PLOD1: variants seen among roughly 807,000 people sequenced by gnomAD.
PLOD1 encodes procollagen-lysine,2-oxoglutarate 5-dioxygenase 1, also known as lysine hydroxylase.
Under a neutral mutation model 94.7 loss-of-function variants are expected in PLOD1, and 70 were observed. The ratio of observed to expected loss-of-function variants is 0.74; its 90% confidence interval spans 0.61 to 0.90. The LOEUF is 0.90. PLOD1 is among the 40% of genes least tolerant of loss of function. The pLI is 0.00. For synonymous variants in PLOD1, 417 were observed against 400.2 expected (o/e 1.04, Z -0.50); for missense variants, 905 against 972.7 (o/e 0.93, Z 0.93).
chr1:11,947,902 T>A, intron 1 of PLOD1, 74 bp from the exon 2 acceptor site: 16 of 950,964 alleles, frequency 1.7e-5, no homozygotes, highest in Non-Finnish European at 2.6e-5. Context: ...GACAGGTCAC[T>A]GGGAACAAAG....
At chr1:11,948,639 A>G (rs1291530335) in intron 2 of PLOD1, among the ~76,000 whole-genome samples, 1 of 152,072 alleles carries the variant, frequency 6.6e-6, no homozygotes, top group Non-Finnish European at 1.5e-5. Context: ...CTGAGGCGGG[A>G]GAATCACTTG....
chr1:11,964,112 G>A (rs1033006577), intron 11 of PLOD1, 63 bp from the exon 12 acceptor site: 1 of 1,556,920 alleles, frequency 6.4e-7, no homozygotes, highest in African/African-American at 1.4e-5. Context: ...CCCATCCCTG[G>A]TTAGTGCTGT....
intron 10 of PLOD1, among the ~76,000 whole-genome samples, chr1:11,961,227 T>A (rs1395475362): frequency 1.3e-5 from 2 of 151,056 alleles, no homozygotes; most frequent in African/African-American, 4.9e-5. Context: ...CTTCAAAAAT[T>A]AAAAAAAAAT....
chr1:11,935,742 G>C (rs935586460), intron 1 of PLOD1, among the ~76,000 whole-genome samples: 5 of 151,458 alleles, frequency 3.3e-5, no homozygotes, highest in Admixed American at 3.3e-4. Flanking sequence ...CTCCTGCCTC[G>C]GCCTCCCAAG....
In PLOD1 at chr1:11,967,059, C is replaced by T; in HGVS notation, c.1723C>T (p.His575Tyr). Residue 575 changes from histidine (H) to tyrosine (Y), a missense_variant, in exon 16 of 19, where the codon CAC (histidine) becomes TAC (tyrosine). Transcript: ENST00000196061. ...ACDELVEEME[H>Y]FGQWSLGNNK... ...TGATGAGCTGGTGGAGGAGATGGAG[C>T]ACTTTGGCCAGTGGTCTCTGGGCAA... The T allele has an allele frequency of 6.2e-7, 1 of 1,613,510 alleles. No individual in the cohort carries two copies. Among genetic ancestry groups the T allele is most frequent in the Non-Finnish European group, 8.5e-7 (1 of 1,179,440 alleles).
At chr1:11,955,728 A>G (rs1479243210) in intron 6 of PLOD1, among the ~76,000 whole-genome samples, 1 of 151,886 alleles carries the variant, frequency 6.6e-6, no homozygotes, top group African/African-American at 2.4e-5. Context: ...GGTTCAAGTG[A>G]TTCTCCTGCC....
intron 6 of PLOD1, 63 bp downstream of exon 6, chr1:11,954,956 G>T: frequency 7.7e-7 from 1 of 1,303,954 alleles, no homozygotes; most frequent in South Asian, 1.2e-5. Context: ...TTCCAGGCAG[G>T]GCCCGAGCCC....
At chr1:11,950,252 A>G (rs1645689577) in intron 3 of PLOD1, 105 bp from the exon 4 acceptor site, 3 of 1,124,264 alleles carry the variant, frequency 2.7e-6, no homozygotes, top group Admixed American at 3.6e-5. Context: ...GCGTGGGCAG[A>G]GGGCCATTTG....
intron 3 of PLOD1, 65 bp from the exon 4 acceptor site, chr1:11,950,292 C>A: frequency 6.7e-7 from 1 of 1,501,806 alleles, no homozygotes; most frequent in Non-Finnish European, 9.3e-7. Context: ...TCCCTCCTGT[C>A]TGTGCCCTCA....
rs879691 is a variant in PLOD1 at position 11,974,757 on chromosome 1, C to G, written c.2133C>G (p.Leu711=). The change falls in exon 19 of 19, where the codon CTC becomes CTG. Residue 711 remains leucine (L), a synonymous_variant. Transcript: ENST00000196061. ...GACTCACGCATTACCATGAGGGGCT[C>G]CCCACCACCAGGGGCACCCGCTACA... The part of the protein sequence containing the change: ...PGRLTHYHEG[L]PTTRGTRYIA... 7.2e-3 allele frequency: 11,621 copies of G among 1,614,006 alleles called. 201 individuals are homozygous for G. The highest frequency in any genetic ancestry group is 0.063 in the African/African-American group (4,689 of 75,010).
At chr1:11,962,274 CTTTTTTTTTT>C (rs780613164) in intron 10 of PLOD1, among the ~76,000 whole-genome samples, 1 of 99,090 alleles carries the variant, frequency 1.0e-5, no homozygotes, top group Non-Finnish European at 1.9e-5. Flanking sequence ...TTTTTGTTTT[CTTTTTTTTTT>C]TTTTTTTTTT....
intron 1 of PLOD1, chr1:11,944,469 T>G: frequency 8.2e-7 from 1 of 1,222,574 alleles, no homozygotes; most frequent in Non-Finnish European, 1.1e-6. Flanking sequence ...TCACATGCTC[T>G]CACGCTGGCT....
chr1:11,939,152 T>G (rs556990266), intron 1 of PLOD1, among the ~76,000 whole-genome samples: 1 of 152,182 alleles, frequency 6.6e-6, no homozygotes, highest in African/African-American at 2.4e-5. Context: ...GCCGTTCAGG[T>G]CATGCTGTTC....
At chr1:11,960,210 T>A (rs1013972711) in intron 9 of PLOD1, among the ~76,000 whole-genome samples, 1 of 152,176 alleles carries the variant, frequency 6.6e-6, no homozygotes, top group African/African-American at 2.4e-5. Context: ...GACCTGGTGA[T>A]CTACCCGCCT....
At position 11,957,938 on chromosome 1, in the gene PLOD1, A is replaced by G. The variant is rs764158476; in HGVS notation, c.838A>G (p.Ile280Val). 1.9e-6 allele frequency: 3 copies of G among 1,609,604 alleles called. No homozygotes were observed. The highest frequency in any genetic ancestry group is 1.1e-5 in the South Asian group (1 of 90,994). Residue 280 changes from isoleucine (I) to valine (V), a missense_variant, in exon 8 of 19, where the codon ATT becomes GTT. Transcript: ENST00000196061. This position sits in a 1 kb window ranked among gnomAD's most constrained non-coding sequence, Gnocchi z 4.1. ...CDEGLRSLKG[I>V]GDEALPTVLV... ...CGAAGGCTTGCGCAGCCTCAAGGGC[A>G]TTGGGGTGAGGCTGCGCCCAGGCCT...
rs1645792816 is a variant in PLOD1, at chr1:11,963,489, C to T, written c.1098-43C>T. 2.3e-6 allele frequency: 3 copies of T among 1,293,006 alleles called. No individual in the cohort carries two copies. The highest frequency in any genetic ancestry group is 3.3e-6 in the Non-Finnish European group (3 of 907,208). The allele number at this position is 1,293,006 out of a possible 1,614,324, so 80.1% of individuals were successfully genotyped here. A position where few individuals can be genotyped will look rare whatever the true frequency, so the allele number is the denominator to read the frequency against. On this transcript the variant is annotated intron_variant, in intron 10 of 18. Transcript: ENST00000196061. This position sits in a 1 kb window ranked among gnomAD's most constrained non-coding sequence, Gnocchi z 4.3. The stretch of plus-strand genomic sequence containing the variant: ...CACAGATGTGAGCAGCCACCAGTAG[C>T]TCCAGGATCAGGTGCACTGACCCTG...
chr1:11,971,861 C>T (rs985119178), intron 17 of PLOD1: 3 of 152,240 alleles, frequency 2.0e-5, no homozygotes, highest in African/African-American at 7.2e-5. Flanking sequence ...TGAGGAAAAC[C>T]CTGAACTCCT....
chr1:11,954,341 C>A, intron 5 of PLOD1: 5 of 255,344 alleles, frequency 2.0e-5, no homozygotes, highest in South Asian at 7.1e-5. Flanking sequence ...AAAAAATTAG[C>A]TGGGTATGGT....
At chr1:11,948,226 G>A (rs1050792437) in intron 2 of PLOD1, among the ~76,000 whole-genome samples, 159 bp downstream of exon 2, 1 of 152,158 alleles carries the variant, frequency 6.6e-6, no homozygotes, top group African/African-American at 2.4e-5. Context: ...TCGGGAATGG[G>A]AAGACACAGC....
Sources: allele counts gnomAD v4.1 joint callset (sites outside exome capture counted in the v4.1 genomes callset), GRCh38; gene constraint gnomAD v4.1.1; non-coding constraint Gnocchi (gnomAD v3.1); transcripts MANE v1.5; gene names NCBI Gene and HGNC (gene_info 2026-07-23, HGNC 2026-07-21).